WNK2: variants seen among roughly 807,000 people sequenced by gnomAD.
WNK2 encodes the protein WNK lysine deficient protein kinase 2.
Under a neutral mutation model 192.1 loss-of-function variants are expected in WNK2, and 67 were observed. The ratio of observed to expected loss-of-function variants is 0.35; its 90% confidence interval spans 0.29 to 0.43. The LOEUF is 0.43. Among genes scored for constraint, WNK2 ranks in the 20% least tolerant of loss-of-function variants. The probability of loss-of-function intolerance (pLI) is 1.00; values close to 1 mark genes in which losing one functional copy is unlikely to be tolerated. For missense variants in WNK2, 2,698 were observed against 3,089.7 expected, an observed-to-expected ratio of 0.87 and a Z score of 3.01; for synonymous variants, 1,439 against 1,393.9, an observed-to-expected ratio of 1.03 and a Z score of -0.72.
At position 93,264,065 on chromosome 9, in the gene WNK2, G is replaced by A. The variant is rs368893655; in HGVS notation, c.3696+32G>A. Reference sequence around the variant, plus strand: ...CTGGGTCTGGGTGGCTTGGCTCCCGGTGTTTCTTGGACACGTGTGGGCCTG... The same window carrying A: ...CTGGGTCTGGGTGGCTTGGCTCCCGATGTTTCTTGGACACGTGTGGGCCTG... On this transcript the variant is annotated intron_variant, in intron 16 of 29. Coordinates refer to ENST00000427277, the MANE Select transcript of WNK2 (RefSeq NM_006648.4). 13 of 1,534,502 alleles carry A rather than the reference G, an allele frequency of 8.5e-6. No homozygotes were observed. In the African/African-American group the frequency reaches 1.5e-4, roughly 18 times the overall value.
intron 2 of WNK2, among the ~76,000 whole-genome samples, chr9:93,195,699 CAAAAAAAAAAAAA>C (rs59357990): frequency 4.8e-5 from 2 of 41,664 alleles, no homozygotes; most frequent in African/African-American, 2.3e-4. Flanking sequence ...GACTTTGTCT[CAAAAAAAAAAAAA>C]AAAAAAAAAA....
At position 93,247,958 on chromosome 9, in the gene WNK2, C is replaced by A. The variant is rs7029968; in HGVS notation, c.1834+124C>A. ...GGAATGCTTTGTGAGGAAGGGGGTCCGCATGGCATCCCCTCGGAGGAGACA... is the reference window on the plus strand; with the variant it reads ...GGAATGCTTTGTGAGGAAGGGGGTCAGCATGGCATCCCCTCGGAGGAGACA... On this transcript the variant is annotated intron_variant, in intron 8 of 29. Coordinates refer to ENST00000427277, the MANE Select transcript of WNK2 (RefSeq NM_006648.4). The surrounding 1 kb of genome is among the most constrained non-coding windows in gnomAD (Gnocchi z 5.2). 0.95 allele frequency: 1,053,823 copies of A among 1,111,734 alleles called. 499,735 individuals are homozygous for A. The highest frequency in any genetic ancestry group is 0.99 in the African/African-American group (63,504 of 64,070). 68.9% of individuals were successfully genotyped at this position (1,111,734 alleles called of 1,614,324 possible).
intron 2 of WNK2, among the ~76,000 whole-genome samples, chr9:93,198,695 T>C (rs1831749166): frequency 6.6e-6 from 1 of 152,224 alleles, no homozygotes; most frequent in Non-Finnish European, 1.5e-5. Context: ...TTAGCTTGTT[T>C]TTTATACTCT....
intron 2 of WNK2, among the ~76,000 whole-genome samples, chr9:93,225,075 C>G (rs1195316407): frequency 2.0e-5 from 3 of 152,084 alleles, no homozygotes; most frequent in African/African-American, 7.2e-5. Context: ...CTGGGCAGGG[C>G]TCAGAGGGGG....
rs117060171 is a variant in WNK2, at chr9:93,195,794, G to T, written c.681+10184G>T. The stretch of plus-strand genomic sequence containing the variant: ...CACAACTGCTTTTATTTTTGAATAG[G>T]ACCTTCTAGGTCTTGTTTGCACATG... On this transcript the variant is annotated intron_variant, in intron 2 of 29. Coordinates refer to ENST00000427277, the MANE Select transcript of WNK2 (RefSeq NM_006648.4). Among the ~76,000 whole-genome samples the T allele has an allele frequency of 5.6e-4, 83 of 149,442 alleles. 1 individual carries two copies. In the East Asian group the frequency reaches 9.2e-3, roughly 17 times the overall value.
At position 93,185,626 on chromosome 9, in the gene WNK2, C is replaced by T; in HGVS notation, c.681+16C>T. The T allele has an allele frequency of 6.2e-7, 1 of 1,601,484 alleles. No individual in the cohort carries two copies. The highest frequency in any genetic ancestry group is 8.5e-7 in the Non-Finnish European group (1 of 1,174,300). On this transcript the variant is annotated intron_variant, in intron 2 of 29. Transcript: ENST00000427277. ...TGAGCTGCAGGTGAGGGTGCCCCAG[C>T]CCGCAGGGGGCTTTCCGCAGGGTCT... is the stretch of plus-strand genomic sequence containing the variant.
chr9:93,231,084 G>A lies in WNK2; in HGVS notation c.1051G>A (p.Ala351Thr), dbSNP rs1588059442. The A allele has an allele frequency of 1.2e-6, 2 of 1,613,958 alleles. No homozygotes were observed. The highest frequency in any genetic ancestry group is 1.7e-6 in the Non-Finnish European group (2 of 1,179,894). The change falls in exon 4 of 30, where the codon GCG becomes ACG. Residue 351 changes from alanine (A) to threonine (T), a missense_variant. Ala to Thr is a moderately conservative substitution (Grantham distance 58). Transcript: ENST00000427277. ...CTTGGGCCTGGCCACTCTGAAAAGA[G>A]CGTCATTTGCCAAAAGTGTGATAGG... ...GDLGLATLKR[A>T]SFAKSVIGTP...
intron 8 of WNK2, among the ~76,000 whole-genome samples, chr9:93,252,608 C>CCACAA (rs1369224549): frequency 6.6e-6 from 1 of 152,206 alleles, no homozygotes; most frequent in East Asian, 1.9e-4. Flanking sequence ...CCACGGCGGG[C>CCACAA]TGGTTGTGGG....
chr9:93,286,391 G>A (rs1343711915), intron 19 of WNK2, among the ~76,000 whole-genome samples: 1 of 152,090 alleles, frequency 6.6e-6, no homozygotes. Flanking sequence ...TACCCAGATG[G>A]CCAGTGAACA....
At chr9:93,319,729 G>A (rs1855268214) in intron 29 of WNK2, among the ~76,000 whole-genome samples, 2 of 152,252 alleles carry the variant, frequency 1.3e-5, no homozygotes, top group African/African-American at 4.8e-5. Context: ...TGGGGCTGGG[G>A]TTGCCCATGG....
At chr9:93,191,031 C>T (rs12349094) in intron 2 of WNK2, among the ~76,000 whole-genome samples, 70,337 of 151,836 alleles carry the variant, frequency 0.46, 17,309 homozygotes, top group East Asian at 0.56. Context: ...GCTGGAGACC[C>T]CCACGGAGGA....
Position 93,239,067 on chromosome 9 carries a change from G to A in WNK2, c.1323-690G>A, listed in dbSNP as rs1223964464. On this transcript the variant is annotated intron_variant, in intron 6 of 29. Coordinates refer to ENST00000427277, the MANE Select transcript of WNK2 (RefSeq NM_006648.4). This position sits in a 1 kb window ranked among gnomAD's most constrained non-coding sequence, Gnocchi z 4.2. The stretch of plus-strand genomic sequence containing the variant: ...GTGTGGTTCCATTTATAGGGTAAAG[G>A]GGGTTATAGGTTAGTGGTTAGGGAG... Among the ~76,000 whole-genome samples the A allele has an allele frequency of 1.3e-5, 2 of 152,218 alleles. No homozygotes were observed. The highest frequency in any genetic ancestry group is 1.3e-4 in the Admixed American group (2 of 15,280).
At chr9:93,217,378 C>T (rs929041351) in intron 2 of WNK2, among the ~76,000 whole-genome samples, 2 of 152,206 alleles carry the variant, frequency 1.3e-5, no homozygotes, top group Non-Finnish European at 2.9e-5. Flanking sequence ...CTGTTTTGGG[C>T]CGCACAACTT....
rs1192460206 is a variant in WNK2 at position 93,299,057 on chromosome 9, T to TC, written c.5924-7dup. On this transcript the variant is annotated splice_polypyrimidine_tract_variant and intron_variant, in intron 24 of 29. Transcript: ENST00000427277. ...GCCTCATCGTGCCTGTCGCCTCTTCTCCCCCCGCCCAGGTCACTTGGCTGA... is the reference window on the plus strand; with the variant it reads ...GCCTCATCGTGCCTGTCGCCTCTTCTCCCCCCCGCCCAGGTCACTTGGCTGA... The TC allele has an allele frequency of 6.2e-6, 10 of 1,603,666 alleles. No individual in the cohort carries two copies. Among genetic ancestry groups the TC allele is most frequent in the Admixed American group, 5.0e-5 (3 of 59,512 alleles).
At chr9:93,231,194 G>GACCT (rs1357382787) in intron 4 of WNK2, 86 bp downstream of exon 4, 1 of 1,358,448 alleles carries the variant, frequency 7.4e-7, no homozygotes, top group Non-Finnish European at 1.0e-6. Context: ...GTTTTGTTCA[G>GACCT]ACCTGGTGCA....
At chr9:93,310,463 A>ATG (rs1193116154) in intron 28 of WNK2, among the ~76,000 whole-genome samples, 1 of 152,078 alleles carries the variant, frequency 6.6e-6, no homozygotes, top group Non-Finnish European at 1.5e-5. Flanking sequence ...ATATATATAT[A>ATG]TAAAACACAA....
intron 23 of WNK2, among the ~76,000 whole-genome samples, chr9:93,295,328 G>A (rs1285847494): frequency 6.6e-6 from 1 of 152,170 alleles, no homozygotes; most frequent in Non-Finnish European, 1.5e-5. Context: ...GCACTCTCTT[G>A]AAATAGTACT....
chr9:93,188,399 A>G (rs1378077632), intron 2 of WNK2, among the ~76,000 whole-genome samples: 1 of 152,198 alleles, frequency 6.6e-6, no homozygotes, highest in Non-Finnish European at 1.5e-5. Context: ...AGAACTCTGT[A>G]GAGAGGGTAA....
rs763852550 is a variant in WNK2, at chr9:93,317,609, G to A, written c.6606G>A (p.Pro2202=). ...CCACGGTCATTCCCGGAGCCGCCCC[G>A]ACCCTGTCCGTGCCCACACCAGGTA... The part of the protein sequence containing the change: ...LSTTVIPGAA[P]TLSVPTPDPE... The change falls in exon 29 of 30, where the codon CCG becomes CCA. Residue 2202 remains proline (P), a synonymous_variant. Coordinates refer to ENST00000427277, the MANE Select transcript of WNK2 (RefSeq NM_006648.4). The A allele has an allele frequency of 7.0e-5, 113 of 1,612,848 alleles. 2 individuals are homozygous for A. The highest frequency in any genetic ancestry group is 2.5e-4 in the South Asian group (23 of 91,070).
Sources: allele counts gnomAD v4.1 joint callset (sites outside exome capture counted in the v4.1 genomes callset), GRCh38; gene constraint gnomAD v4.1.1; non-coding constraint Gnocchi (gnomAD v3.1); transcripts MANE v1.5; gene names NCBI Gene and HGNC (gene_info 2026-07-23, HGNC 2026-07-21).